The following RGS5 variants were observed in gnomAD, a reference collection of about 807,000 sequenced individuals.
RGS5 encodes regulator of G-protein signalling 5.
RGS5 carries 20 observed loss-of-function variants against 18.9 expected under a neutral mutation model. The observed-to-expected ratio is 1.06, with a 90% CI of 0.74 to 1.54. RGS5 has a LOEUF of 1.54. RGS5 is among the 40% of genes most tolerant of loss of function. RGS5 has a pLI of 0.00. For missense variants in RGS5, 201 were observed against 211.8 expected (o/e 0.95, Z 0.32); for synonymous variants, 57 against 76.2 (o/e 0.75, Z 1.31).
intron 2 of RGS5, among the ~76,000 whole-genome samples, chr1:163,302,067 A>G (rs187893902): frequency 1.5e-4 from 22 of 151,496 alleles, no homozygotes; most frequent in African/African-American, 5.3e-4. Context: ...TTTTTCATAT[A>G]AAGAAAAATA....
At chr1:163,193,234 G>A (rs1231555720) in intron 1 of RGS5, among the ~76,000 whole-genome samples, 1 of 152,138 alleles carries the variant, frequency 6.6e-6, no homozygotes, top group Non-Finnish European at 1.5e-5. Context: ...AGCAGCGCCT[G>A]GGGAAACAGT....
chr1:163,156,946 T>G (rs940608020), intron 3 of RGS5, among the ~76,000 whole-genome samples: 3 of 152,142 alleles, frequency 2.0e-5, no homozygotes, highest in Non-Finnish European at 4.4e-5. Flanking sequence ...ATAATAATTA[T>G]TTTCAAGGAA....
intron 1 of RGS5, among the ~76,000 whole-genome samples, chr1:163,196,110 G>C (rs114439041): frequency 5.3e-5 from 8 of 152,182 alleles, no homozygotes; most frequent in South Asian, 2.1e-4. Context: ...TTCCTCGATC[G>C]TTAGAAACAA....
intron 1 of RGS5, among the ~76,000 whole-genome samples, chr1:163,187,946 T>G (rs1362870762): frequency 6.6e-6 from 1 of 152,080 alleles, no homozygotes; most frequent in Non-Finnish European, 1.5e-5. Flanking sequence ...TATCTCTGCA[T>G]AGATAGTGCC....
intron 1 of RGS5, among the ~76,000 whole-genome samples, chr1:163,173,974 G>A (rs1407882572): frequency 6.6e-6 from 1 of 152,172 alleles, no homozygotes; most frequent in Non-Finnish European, 1.5e-5. Context: ...CTACTCGGGA[G>A]GCTGAGGCAG....
At chr1:163,306,781 T>C (rs540900853) in intron 1 of RGS5, among the ~76,000 whole-genome samples, 3 of 152,172 alleles carry the variant, frequency 2.0e-5, no homozygotes, top group Non-Finnish European at 4.4e-5. Flanking sequence ...ATAAAGGATA[T>C]TGGGGTGATA....
In RGS5 at chr1:163,215,908, AAAT is replaced by A. The variant is rs1660206549; in HGVS notation, c.69+1615_69+1617del. ...AGTGAAACACCGTGTCTATTCATTTAAATAATAATAATAAAAATAAAATAAAAT... is the reference window on the plus strand; with the variant it reads ...AGTGAAACACCGTGTCTATTCATTTAAATAATAATAAAAATAAAATAAAAT... On this transcript the variant is annotated intron_variant, in intron 1 of 5. Coordinates refer to the RGS5 transcript ENST00000367903. Among the ~76,000 whole-genome samples, 4 of 151,832 alleles carry A rather than the reference AAAT, an allele frequency of 2.6e-5. 1 individual carries two copies. The South Asian group carries it at 8.3e-4, about 31-fold the overall frequency.
At chr1:163,286,144 A>G (rs997555976) in intron 2 of RGS5, among the ~76,000 whole-genome samples, 3 of 152,112 alleles carry the variant, frequency 2.0e-5, no homozygotes, top group African/African-American at 7.2e-5. Flanking sequence ...CAATAAAACA[A>G]TGACAAAATA....
chr1:163,283,997 C>A (rs578252500), intron 2 of RGS5, among the ~76,000 whole-genome samples: 1 of 152,112 alleles, frequency 6.6e-6, no homozygotes, highest in East Asian at 1.9e-4. Context: ...CCAACACAAA[C>A]TATGAGATCA....
chr1:163,311,944 A>G (rs1649875830), intron 1 of RGS5, among the ~76,000 whole-genome samples: 1 of 152,236 alleles, frequency 6.6e-6, no homozygotes, highest in Non-Finnish European at 1.5e-5. Context: ...AATGAAGTGA[A>G]GTGCAATAAA....
upstream of RGS5, among the ~76,000 whole-genome samples, chr1:163,204,602 A>C (rs2101664742): frequency 6.6e-6 from 1 of 152,308 alleles, no homozygotes; most frequent in East Asian, 1.9e-4. Context: ...CTCCTGCCTC[A>C]GCCTTCCAAA....
chr1:163,188,842 A>G (rs1659210701), intron 1 of RGS5, among the ~76,000 whole-genome samples: 1 of 148,168 alleles, frequency 6.7e-6, no homozygotes, highest in South Asian at 2.3e-4. Flanking sequence ...AGTCCCAGTT[A>G]GTTGGGAGGC....
At chr1:163,222,043 T>C (rs147049375), upstream of RGS5, among the ~76,000 whole-genome samples, 1 of 152,256 alleles carries the variant, frequency 6.6e-6, no homozygotes, top group East Asian at 1.9e-4. Flanking sequence ...CAGTTGCCAA[T>C]ACAGCTTTTT....
chr1:163,240,148 A>G (rs1442385320), intron 2 of RGS5, among the ~76,000 whole-genome samples: 1 of 152,156 alleles, frequency 6.6e-6, no homozygotes, highest in Non-Finnish European at 1.5e-5. Context: ...ATATATCAAC[A>G]CAGTGAGTTA....
chr1:163,211,894 C>T (rs35047999), intron 1 of RGS5: 20,857 of 152,124 alleles, frequency 0.14, 1,496 homozygotes, highest in Non-Finnish European at 0.15. Context: ...TGGAGAACAG[C>T]ATCCTCCCCC....
chr1:163,194,555 G>A (rs188009694), intron 1 of RGS5, among the ~76,000 whole-genome samples: 28 of 152,210 alleles, frequency 1.8e-4, no homozygotes, highest in Admixed American at 1.3e-3. Flanking sequence ...CTAGGTAGTA[G>A]AAGCCAGTGT....
At chr1:163,321,538 G>A (rs1474277666) in intron 1 of RGS5, 2 of 152,162 alleles carry the variant, frequency 1.3e-5, no homozygotes, top group Non-Finnish European at 2.9e-5. Flanking sequence ...GTCTAAATGA[G>A]ATGATGCTTA....
At chr1:163,190,258 C>T (rs1659286984) in intron 1 of RGS5, among the ~76,000 whole-genome samples, 1 of 152,126 alleles carries the variant, frequency 6.6e-6, no homozygotes. Flanking sequence ...GTGAGTGCCT[C>T]CCCGTGACAA....
chr1:163,314,563 C>CAAA (rs66971381), intron 1 of RGS5, among the ~76,000 whole-genome samples: 54 of 151,650 alleles, frequency 3.6e-4, no homozygotes, highest in African/African-American at 1.3e-3. Context: ...ACAACAACAA[C>CAAA]AAAAAAAACC....
Sources: gnomAD v4.1 joint callset for allele counts (sites outside exome capture counted in the v4.1 genomes callset) on GRCh38, gnomAD v4.1.1 for gene constraint, MANE v1.5 for transcripts, NCBI Gene and HGNC (gene_info 2026-07-23, HGNC 2026-07-21) for gene names.